The following UTRN variants were observed in gnomAD, a reference collection of about 807,000 sequenced individuals.
UTRN encodes dystrophin-related protein 1.
In UTRN, 283 loss-of-function variants were observed where a neutral mutation model predicts 463.9. The observed-to-expected ratio is 0.61, with a 90% CI of 0.55 to 0.67. The LOEUF (loss-of-function observed/expected upper bound fraction) is 0.67, where lower values mean the gene tolerates loss of function less well. Among genes scored for constraint, UTRN ranks in the 30% least tolerant of loss-of-function variants. The pLI is 0.00. For missense variants in UTRN, 3,922 were observed against 4,084.3 expected (o/e 0.96, Z 1.08); for synonymous variants, 1,442 against 1,431.5 (o/e 1.01, Z -0.17).
intron 73 of UTRN, among the ~76,000 whole-genome samples, chr6:144,844,101 C>T (rs189426312): frequency 1.7e-3 from 256 of 152,270 alleles, no homozygotes; most frequent in African/African-American, 5.8e-3. Context: ...GTATTATATA[C>T]AAGACAGGGA....
At chr6:144,416,374 T>G (rs1784366559) in intron 3 of UTRN, among the ~76,000 whole-genome samples, 1 of 152,192 alleles carries the variant, frequency 6.6e-6, no homozygotes, top group Non-Finnish European at 1.5e-5. Flanking sequence ...TAGCTAGAAC[T>G]GAGCAGGAGC....
At position 144,690,481 on chromosome 6, in the gene UTRN, T is replaced by C. The variant is rs552546188; in HGVS notation, c.7653-9606T>C. Among the ~76,000 whole-genome samples the C allele has an allele frequency of 8.5e-5, 13 of 152,202 alleles. No individual in the cohort carries two copies. The South Asian group carries it at 1.7e-3, about 19-fold the overall frequency. On this transcript the variant is annotated intron_variant, in intron 52 of 74. Coordinates refer to ENST00000367545, the MANE Select transcript of UTRN (RefSeq NM_007124.3). Reference sequence around the variant, plus strand: ...AGATCATAAGCCTTCCCAGTGGAGATGGAAACTGCAGGGCTTTCAGGCCAT... The same window carrying C: ...AGATCATAAGCCTTCCCAGTGGAGACGGAAACTGCAGGGCTTTCAGGCCAT...
At chr6:144,315,403 A>T (rs1383586495) in intron 2 of UTRN, among the ~76,000 whole-genome samples, 1 of 151,970 alleles carries the variant, frequency 6.6e-6, no homozygotes, top group Non-Finnish European at 1.5e-5. Context: ...GGAAGAGAGG[A>T]AGGAAGGTTC....
In UTRN at chr6:144,516,328, A is replaced by G. The variant is rs756459614; in HGVS notation, c.5344A>G (p.Ile1782Val). Reference protein sequence around the residue: ...FSDLEKLENDIENMLKFVEKH... With the variant: ...FSDLEKLENDVENMLKFVEKH... ...TGACTTGGAAAAATTAGAAAATGAC[A>G]TAGAAAATATGTTAAAATTTGTGGA... Residue 1782 changes from isoleucine to valine, a missense_variant, in exon 38 of 75, where the codon ATA (isoleucine) becomes GTA (valine). Physicochemically the swap from Ile to Val is conservative, Grantham distance 29. Coordinates refer to ENST00000367545, the MANE Select transcript of UTRN (RefSeq NM_007124.3). 1.9e-6 allele frequency: 3 copies of G among 1,613,786 alleles called. No individual in the cohort carries two copies. The highest frequency in any genetic ancestry group is 2.7e-5 in the African/African-American group (2 of 74,918).
At chr6:144,848,099 CT>C (rs1349312794) in intron 74 of UTRN, among the ~76,000 whole-genome samples, 1 of 152,094 alleles carries the variant, frequency 6.6e-6, no homozygotes, top group African/African-American at 2.4e-5. Context: ...CTGCTTGCTT[CT>C]GTTGTCTAAG....
At chr6:144,527,950 T>G (rs1171583260) in intron 41 of UTRN, among the ~76,000 whole-genome samples, 1 of 152,216 alleles carries the variant, frequency 6.6e-6, no homozygotes, top group Non-Finnish European at 1.5e-5. Context: ...TTGATTGGTT[T>G]AATAATCGAC....
chr6:144,583,758 GT>G (rs1287405953), intron 51 of UTRN, among the ~76,000 whole-genome samples: 2 of 152,220 alleles, frequency 1.3e-5, no homozygotes, highest in Admixed American at 6.5e-5. Flanking sequence ...ATTACATTTT[GT>G]TTAAAAATCT....
intron 53 of UTRN, among the ~76,000 whole-genome samples, chr6:144,729,847 A>G (rs1788330570): frequency 6.6e-6 from 1 of 152,140 alleles, no homozygotes; most frequent in Non-Finnish European, 1.5e-5. Flanking sequence ...TCATTGGTTT[A>G]TTTTTGATTT....
intron 51 of UTRN, among the ~76,000 whole-genome samples, chr6:144,624,600 T>C (rs1775763575): frequency 6.6e-6 from 1 of 152,062 alleles, no homozygotes. Flanking sequence ...CCGGGGGCCA[T>C]TACCAGGAAG....
chr6:144,498,837 C>CAAAATGAGGTCTTTCATTTTGTAG (rs899570502), intron 33 of UTRN, among the ~76,000 whole-genome samples: 2 of 151,864 alleles, frequency 1.3e-5, no homozygotes, highest in African/African-American at 4.8e-5. Flanking sequence ...GTATTTTTTA[C>CAAAATGAGGTCTTTCATTTTGTAG]AAAATGAGGT....
intron 51 of UTRN, among the ~76,000 whole-genome samples, chr6:144,601,176 ATCCAT>A (rs775646304): frequency 1.7e-4 from 26 of 152,344 alleles, no homozygotes; most frequent in Admixed American, 1.3e-3. Flanking sequence ...CTAACTCAGT[ATCCAT>A]TCTTCAGCCC....
intron 65 of UTRN, among the ~76,000 whole-genome samples, chr6:144,811,389 C>A (rs1048532903): frequency 6.6e-6 from 1 of 152,142 alleles, no homozygotes; most frequent in African/African-American, 2.4e-5. Context: ...GAAAACGCAG[C>A]ATCACGGCTG....
intron 34 of UTRN, among the ~76,000 whole-genome samples, chr6:144,503,773 T>A (rs974483644): frequency 6.6e-6 from 1 of 152,236 alleles, no homozygotes; most frequent in African/African-American, 2.4e-5. Flanking sequence ...TTTTTCTAAT[T>A]CTGTGAAGAA....
intron 3 of UTRN, among the ~76,000 whole-genome samples, chr6:144,406,356 C>CTTTTTTTTTTTTTT (rs57721924): frequency 9.6e-5 from 12 of 125,582 alleles, no homozygotes; most frequent in African/African-American, 2.0e-4. Flanking sequence ...TTTTTCTTTT[C>CTTTTTTTTTTTTTT]TTTTTTTTTT....
At chr6:144,748,573 A>G (rs1791013536) in intron 55 of UTRN, 59 bp downstream of exon 55, 3 of 1,560,582 alleles carry the variant, frequency 1.9e-6, no homozygotes, top group South Asian at 2.5e-5. Flanking sequence ...AATATAACAC[A>G]AATAAAGAGA....
chr6:144,829,510 A>G (rs191545638), intron 69 of UTRN, among the ~76,000 whole-genome samples: 17 of 152,072 alleles, frequency 1.1e-4, no homozygotes, highest in African/African-American at 3.9e-4. Context: ...TTATCCCACT[A>G]TTGTGTGTAC....
intron 9 of UTRN, among the ~76,000 whole-genome samples, chr6:144,431,972 A>T (rs1300671475): frequency 6.6e-6 from 1 of 151,822 alleles, no homozygotes; most frequent in African/African-American, 2.4e-5. Flanking sequence ...CAGCCTTCAT[A>T]CTCATTTTTA....
intron 53 of UTRN, among the ~76,000 whole-genome samples, chr6:144,714,070 G>C (rs1388931651): frequency 2.0e-5 from 3 of 152,086 alleles, no homozygotes; most frequent in Non-Finnish European, 4.4e-5. Context: ...AATGAATTTT[G>C]TATATTAACT....
chr6:144,803,347 G>C (rs1239706273), intron 65 of UTRN, among the ~76,000 whole-genome samples, 200 bp downstream of exon 65: 1 of 150,992 alleles, frequency 6.6e-6, no homozygotes, highest in Non-Finnish European at 1.5e-5. Context: ...TCTGTGTTTT[G>C]ATTTTAAACT....
Sources: allele counts gnomAD v4.1 joint callset (sites outside exome capture counted in the v4.1 genomes callset), GRCh38; gene constraint gnomAD v4.1.1; transcripts MANE v1.5; gene names NCBI Gene and HGNC (gene_info 2026-07-23, HGNC 2026-07-21).